The following ZFPM2 variants were observed in gnomAD, a reference collection of about 807,000 sequenced individuals.
ZFPM2 encodes zinc finger protein, FOG family member 2, also known as zinc finger protein ZFPM2.
In ZFPM2, 20 loss-of-function variants were observed where a neutral mutation model predicts 98.6. The ratio of observed to expected loss-of-function variants is 0.20; its 90% confidence interval spans 0.14 to 0.29. ZFPM2 has a LOEUF of 0.29. ZFPM2 is among the 10% of genes least tolerant of loss of function. The pLI is 1.00. For synonymous variants in ZFPM2, 518 were observed against 502.7 expected (o/e 1.03, Z -0.41); for missense variants, 1,310 against 1,388.6 (o/e 0.94, Z 0.90).
At chr8:105,664,560 C>G (rs1375881470) in intron 5 of ZFPM2, among the ~76,000 whole-genome samples, 4 of 152,218 alleles carry the variant, frequency 2.6e-5, no homozygotes, top group African/African-American at 9.6e-5. Flanking sequence ...TCTCCAACTC[C>G]CATCCTCAGG....
At chr8:105,535,625 TA>T (rs1216322016) in intron 3 of ZFPM2, among the ~76,000 whole-genome samples, 1 of 152,182 alleles carries the variant, frequency 6.6e-6, no homozygotes, top group Non-Finnish European at 1.5e-5. Flanking sequence ...AAAGAAATTG[TA>T]AAGTCAGTCT....
chr8:105,793,906 G>C (rs1003728227), intron 6 of ZFPM2, among the ~76,000 whole-genome samples: 1 of 151,792 alleles, frequency 6.6e-6, no homozygotes, highest in Non-Finnish European at 1.5e-5. Context: ...CGTAGTTCTC[G>C]AGCCTTGGCT....
chr8:105,506,936 C>T (rs1305681771), intron 3 of ZFPM2, among the ~76,000 whole-genome samples: 1 of 138,192 alleles, frequency 7.2e-6, no homozygotes, highest in East Asian at 2.1e-4. Flanking sequence ...TGCAGTGAGC[C>T]AAGATTGCGC....
intron 3 of ZFPM2, among the ~76,000 whole-genome samples, chr8:105,458,575 T>C (rs907843068): frequency 2.6e-5 from 4 of 152,174 alleles, no homozygotes; most frequent in Non-Finnish European, 4.4e-5. Flanking sequence ...TGTTGCCACT[T>C]ACAGAATTAA....
chr8:105,661,458 A>G (rs1327492736), intron 5 of ZFPM2, among the ~76,000 whole-genome samples: 2 of 152,184 alleles, frequency 1.3e-5, no homozygotes, highest in East Asian at 1.9e-4. Context: ...TTTTTCTAAT[A>G]TGTATTCTGG....
chr8:105,553,571 C>CA (rs1368552367), intron 3 of ZFPM2, among the ~76,000 whole-genome samples: 1 of 152,106 alleles, frequency 6.6e-6, no homozygotes, highest in East Asian at 1.9e-4. Flanking sequence ...TTTTCCAGTG[C>CA]AATTACAAGC....
chr8:105,795,246 T>TCGTGTG (rs1554582313), intron 6 of ZFPM2, among the ~76,000 whole-genome samples: 2,295 of 138,308 alleles, frequency 0.017, 29 homozygotes, highest in East Asian at 0.048. Context: ...CATTTTATCT[T>TCGTGTG]TGTGTGTGTG....
chr8:105,716,953 G>A (rs192973520), intron 5 of ZFPM2, among the ~76,000 whole-genome samples: 69 of 152,162 alleles, frequency 4.5e-4, no homozygotes, highest in African/African-American at 1.6e-3. Context: ...CCACTGGTGT[G>A]TGGAACAGGC....
intron 3 of ZFPM2, among the ~76,000 whole-genome samples, chr8:105,510,127 G>A (rs1271799835): frequency 6.6e-6 from 1 of 152,058 alleles, no homozygotes; most frequent in African/African-American, 2.4e-5. Context: ...ATATTGAGCT[G>A]TTCATACCCT....
At chr8:105,728,866 G>A (rs137885683) in intron 5 of ZFPM2, among the ~76,000 whole-genome samples, 9 of 151,770 alleles carry the variant, frequency 5.9e-5, no homozygotes, top group East Asian at 2.0e-4. Flanking sequence ...CTTTGCCAGT[G>A]TTCAAAAAGC....
In ZFPM2 at chr8:105,581,588, T is replaced by A. The variant is rs533781852; in HGVS notation, c.420+20107T>A. ...CTGTAATTGGATCAGAGCATAGAAA[T>A]AACCAAAATGGATATAATGGGCAAA... On this transcript the variant is annotated intron_variant, in intron 4 of 7. Transcript: ENST00000407775. 1.5e-3 allele frequency among the ~76,000 whole-genome samples: 223 copies of A among 152,248 alleles called. 1 individual carries two copies. The highest frequency in any genetic ancestry group is 4.9e-3 in the African/African-American group (204 of 41,542).
intron 4 of ZFPM2, among the ~76,000 whole-genome samples, chr8:105,593,822 TA>T (rs113966824): frequency 0.11 from 16,200 of 151,402 alleles, 1,063 homozygotes; most frequent in Middle Eastern, 0.21. Flanking sequence ...ATTTTTCAAG[TA>T]AAAAAAAATC....
chr8:105,562,828 A>G (rs1372507742), intron 4 of ZFPM2, among the ~76,000 whole-genome samples: 1 of 152,160 alleles, frequency 6.6e-6, no homozygotes, highest in Non-Finnish European at 1.5e-5. Flanking sequence ...TGCTTCCTTC[A>G]TTTCTCTTTG....
intron 3 of ZFPM2, 81 bp from the exon 4 acceptor site, chr8:105,561,282 G>A (rs1314735041): frequency 1.9e-6 from 2 of 1,054,512 alleles, no homozygotes; most frequent in African/African-American, 1.7e-5. Context: ...TATCATGTGT[G>A]TAAAGCAAAC....
At chr8:105,637,641 C>G (rs1028135948) in intron 5 of ZFPM2, among the ~76,000 whole-genome samples, 4 of 151,976 alleles carry the variant, frequency 2.6e-5, no homozygotes, top group Non-Finnish European at 5.9e-5. Flanking sequence ...CAGAGCATGT[C>G]CCAAAGTTGT....
chr8:105,452,104 C>T (rs2130256733), intron 3 of ZFPM2, among the ~76,000 whole-genome samples: 1 of 152,178 alleles, frequency 6.6e-6, no homozygotes, highest in South Asian at 2.1e-4. Flanking sequence ...TCTAATGAAA[C>T]AAACTAGAAA....
At chr8:105,765,587 C>T (rs956391668) in intron 5 of ZFPM2, among the ~76,000 whole-genome samples, 9 of 151,664 alleles carry the variant, frequency 5.9e-5, no homozygotes, top group African/African-American at 1.9e-4. Context: ...AGAAGAAATC[C>T]GAAGAGAAGC....
At chr8:105,421,770 G>A (rs534561852) in intron 2 of ZFPM2, among the ~76,000 whole-genome samples, 138 of 152,246 alleles carry the variant, frequency 9.1e-4, no homozygotes, top group African/African-American at 3.2e-3. Context: ...AAGAGTAGAA[G>A]TTGCCAGGCC....
chr8:105,336,972 G>A (rs542632952), intron 1 of ZFPM2, among the ~76,000 whole-genome samples: 2 of 151,758 alleles, frequency 1.3e-5, no homozygotes, highest in South Asian at 2.1e-4. Context: ...TTTTCCAGAC[G>A]GTTCTGGAGT....
Sources: gnomAD v4.1 joint callset for allele counts (sites outside exome capture counted in the v4.1 genomes callset) on GRCh38, gnomAD v4.1.1 for gene constraint, MANE v1.5 for transcripts, NCBI Gene and HGNC (gene_info 2026-07-23, HGNC 2026-07-21) for gene names.